Variants in MYCBPAP observed in about 807,000 individuals in gnomAD.
The protein encoded by MYCBPAP is MYCBP-associated protein.
Under a neutral mutation model 106.1 loss-of-function variants are expected in MYCBPAP, and 60 were observed. The ratio of observed to expected loss-of-function variants is 0.57; its 90% confidence interval spans 0.46 to 0.70. The LOEUF is 0.70. MYCBPAP is among the 30% of genes least tolerant of loss of function. The pLI is 0.00. For missense variants in MYCBPAP, 1,064 were observed against 1,169.3 expected, an observed-to-expected ratio of 0.91 and a Z score of 1.31; for synonymous variants, 407 against 440.6, an observed-to-expected ratio of 0.92 and a Z score of 0.95.
chr17:50,520,589 T>C (rs900738484), intron 7 of MYCBPAP, among the ~76,000 whole-genome samples: 1 of 152,242 alleles, frequency 6.6e-6, no homozygotes, highest in African/African-American at 2.4e-5. Context: ...TTTTCCTTTT[T>C]CAGTGTGGCA....
intron 18 of MYCBPAP, chr17:50,529,566 C>T (rs1398175190): frequency 2.6e-6 from 1 of 387,262 alleles, no homozygotes; most frequent in Non-Finnish European, 5.2e-6. Flanking sequence ...GGGAGCAGGT[C>T]ATAGGGGTGG....
At chr17:50,531,305 T>C (rs368214709) in intron 18 of MYCBPAP, 22 bp from the exon 19 acceptor site, 2 of 1,567,394 alleles carry the variant, frequency 1.3e-6, no homozygotes, top group Non-Finnish European at 8.7e-7. Context: ...ACTCTGCCTG[T>C]GATGTTGTCC....
intron 1 of MYCBPAP, among the ~76,000 whole-genome samples, chr17:50,511,090 T>C (rs990864986): frequency 6.6e-6 from 1 of 152,080 alleles, no homozygotes; most frequent in African/African-American, 2.4e-5. Context: ...GCATGCAAGA[T>C]ATCTTTTTAA....
chr17:50,531,273 A>G (rs2034633129), intron 18 of MYCBPAP, 54 bp from the exon 19 acceptor site: 1 of 1,219,582 alleles, frequency 8.2e-7, no homozygotes, highest in Non-Finnish European at 1.2e-6. Context: ...TAGTTCATAT[A>G]TAGGTGCTTC....
chr17:50,516,837 C>T (rs1358412752), intron 2 of MYCBPAP, 140 bp downstream of exon 2: 2 of 871,350 alleles, frequency 2.3e-6, no homozygotes, highest in African/African-American at 3.4e-5. Flanking sequence ...AGATTCTTTT[C>T]ACTTTACCAC....
In MYCBPAP at chr17:50,525,659, C is replaced by CTCTTTTTTT. The variant is rs57947501; in HGVS notation, c.1783-221_1783-220insCTTTTTTTT. 2.3e-5 allele frequency among the ~76,000 whole-genome samples: 3 copies of CTCTTTTTTT among 131,364 alleles called. 1 individual carries two copies. The highest frequency in any genetic ancestry group is 4.8e-5 in the Non-Finnish European group (3 of 62,680). 86.2% of individuals were successfully genotyped at this position (131,364 alleles called of 152,430 possible). A position where few individuals can be genotyped will look rare whatever the true frequency, so the allele number is the denominator to read the frequency against. On this transcript the variant is annotated intron_variant, in intron 13 of 18. Coordinates refer to ENST00000323776, the MANE Select transcript of MYCBPAP (RefSeq NM_032133.6). ...ACATCACCATGCTCAGCTAATTTCT[C>CTCTTTTTTT]TTTTTTTTTTTGGTAGAGATAGGAT...
intron 1 of MYCBPAP, chr17:50,509,075 A>T (rs1185312870): frequency 1.4e-6 from 1 of 702,980 alleles, no homozygotes; most frequent in Admixed American, 2.0e-5. Flanking sequence ...CCCGGACTGG[A>T]TGAAGTGCAG....
intron 2 of MYCBPAP, 37 bp downstream of exon 2, chr17:50,516,734 C>T (rs765945595): frequency 5.0e-6 from 8 of 1,611,174 alleles, no homozygotes; most frequent in African/African-American, 4.0e-5. Flanking sequence ...ACCATAGAAA[C>T]GTTTCCCTGC....
chr17:50,508,684 C>T lies in MYCBPAP; in HGVS notation c.10C>T (p.Leu4=). 6.2e-7 allele frequency: 1 copy of T among 1,607,412 alleles called. No homozygotes were observed. Among genetic ancestry groups the T allele is most frequent in the Non-Finnish European group, 8.5e-7 (1 of 1,175,768 alleles). Reference sequence around the variant, plus strand: ...GGTGCCGGGCGGCACCATGAAGTCTCTAAAGAAGGATTCCCGCCTCAGAAT... The same window carrying T: ...GGTGCCGGGCGGCACCATGAAGTCTTTAAAGAAGGATTCCCGCCTCAGAAT... MKS[L]KKDSRLRITP... Residue 4 remains leucine (L), a synonymous_variant, in exon 1 of 19, where the codon CTA becomes TTA. Coordinates refer to ENST00000323776, the MANE Select transcript of MYCBPAP (RefSeq NM_032133.6).
intron 1 of MYCBPAP, among the ~76,000 whole-genome samples, chr17:50,513,357 A>G (rs2033929115): frequency 6.6e-6 from 1 of 151,802 alleles, no homozygotes; most frequent in South Asian, 2.1e-4. Context: ...ACTGCACTCC[A>G]GCCTGGGGGA....
chr17:50,529,243 C>T lies in MYCBPAP; in HGVS notation c.2724+55C>T, dbSNP rs752230657. 23 of 1,537,896 alleles carry T rather than the reference C, an allele frequency of 1.5e-5. No individual in the cohort carries two copies. In the East Asian group the frequency reaches 5.2e-4, roughly 35 times the overall value. ...CTGCCTCCCACCTGCCTTATTCATTCCGTTCAGTCTGCAGACAATAAGTGC... is the reference window on the plus strand; with the variant it reads ...CTGCCTCCCACCTGCCTTATTCATTTCGTTCAGTCTGCAGACAATAAGTGC... On this transcript the variant is annotated intron_variant, in intron 18 of 18. Transcript: ENST00000323776.
intron 18 of MYCBPAP, chr17:50,529,682 A>G (rs2034572416): frequency 1.5e-5 from 7 of 451,818 alleles, no homozygotes. Context: ...AGGCTTTAGA[A>G]GGTGGCTCTG....
At chr17:50,519,274 A>G (rs528530618) in intron 6 of MYCBPAP, 185 bp downstream of exon 6, 4 of 599,104 alleles carry the variant, frequency 6.7e-6, no homozygotes, top group Non-Finnish European at 1.2e-5. Context: ...CAGTAAAGTT[A>G]TTCAGCCTGT....
chr17:50,523,175 G>A, intron 11 of MYCBPAP, 47 bp downstream of exon 11: 1 of 1,585,802 alleles, frequency 6.3e-7, no homozygotes, highest in Non-Finnish European at 8.6e-7. Flanking sequence ...TCTGGGGCTG[G>A]TTTTGTCCTC....
At chr17:50,524,735 TGTGAGA>T in intron 12 of MYCBPAP, 136 bp from the exon 13 acceptor site, 3 of 238,820 alleles carry the variant, frequency 1.3e-5, no homozygotes, top group South Asian at 5.6e-5. Flanking sequence ...TGTGTGTGTG[TGTGAGA>T]GAGAGAGAGA....
At chr17:50,529,393 C>T in intron 18 of MYCBPAP, 2 of 547,482 alleles carry the variant, frequency 3.7e-6, no homozygotes, top group Non-Finnish European at 6.5e-6. Context: ...GAAGATAGAC[C>T]AGGCAGGGAA....
At position 50,510,494 on chromosome 17, in the gene MYCBPAP, T is replaced by TATA. The variant is rs1180016589; in HGVS notation, c.76+1744_76+1745insATA. ...ATATATGTGTGTGTGTGTGTGTGTG[T>TATA]GTGTGTATATATATATATATATATA... On this transcript the variant is annotated intron_variant, in intron 1 of 18. Transcript: ENST00000323776. 18 of 103,446 alleles carry TATA rather than the reference T, an allele frequency of 1.7e-4. 1 individual carries two copies. The highest frequency in any genetic ancestry group is 8.0e-4 in the African/African-American group (17 of 21,146). 6.4% of individuals were successfully genotyped at this position (103,446 alleles called of 1,614,324 possible).
chr17:50,519,008 G>A lies in MYCBPAP; in HGVS notation c.687G>A (p.Met229Ile), dbSNP rs1449788222. 1 of 1,614,124 alleles carries A rather than the reference G, an allele frequency of 6.2e-7. No individual in the cohort carries two copies. The highest frequency in any genetic ancestry group is 2.2e-5 in the East Asian group (1 of 44,874). Residue 229 changes from methionine (M) to isoleucine (I), a missense_variant, in exon 6 of 19, where the codon ATG (methionine) becomes ATA (isoleucine). Met to Ile is a conservative substitution (Grantham distance 10, BLOSUM62 1). Coordinates refer to ENST00000323776, the MANE Select transcript of MYCBPAP (RefSeq NM_032133.6). ...HLKKPVSELL[M>I]HTGETYRRIQ... is the part of the protein sequence containing the mutation. ...AGAAGCCAGTGAGTGAGCTGCTCAT[G>A]CACACCGGGGAGACCTACAGACGGA...
chr17:50,529,093 T>A lies in MYCBPAP; in HGVS notation c.2629T>A (p.Ser877Thr). 1 of 1,614,108 alleles carries A rather than the reference T, an allele frequency of 6.2e-7. No homozygotes were observed. Among genetic ancestry groups the A allele is most frequent in the Non-Finnish European group, 8.5e-7 (1 of 1,180,026 alleles). The change falls in exon 18 of 19, where the codon TCT becomes ACT. Residue 877 changes from serine (S) to threonine (T), a missense_variant. Physicochemically the swap from Ser to Thr is moderately conservative, Grantham distance 58 (BLOSUM62 1). Coordinates refer to ENST00000323776, the MANE Select transcript of MYCBPAP (RefSeq NM_032133.6). Reference protein sequence around the residue: ...VIKSASQDRFSLEDPTPDIIL... With the variant: ...VIKSASQDRFTLEDPTPDIIL... ...AAAATCTGCAAGTCAGGACAGGTTT[T>A]CTTTGGAAGACCCTACCCCTGACAT...
Sources: gnomAD v4.1 joint callset for allele counts (sites outside exome capture counted in the v4.1 genomes callset) on GRCh38, gnomAD v4.1.1 for gene constraint, MANE v1.5 for transcripts, NCBI Gene and HGNC (gene_info 2026-07-23, HGNC 2026-07-21) for gene names.